MTHFD1: variants seen among roughly 807,000 people sequenced by gnomAD.
MTHFD1 encodes the protein methylenetetrahydrofolate dehydrogenase, cyclohydrolase and formyltetrahydrofolate synthetase 1.
MTHFD1 carries 44 observed loss-of-function variants against 110.3 expected under a neutral mutation model. That is an observed-to-expected ratio of 0.40 (90% CI 0.31 to 0.51). The LOEUF (loss-of-function observed/expected upper bound fraction) is 0.51. Among genes scored for constraint, MTHFD1 ranks in the 20% least tolerant of loss-of-function variants. The probability of loss-of-function intolerance (pLI) is 0.60; values close to 1 mark genes in which losing one functional copy is unlikely to be tolerated. For synonymous variants in MTHFD1, 402 were observed against 428.8 expected (o/e 0.94, Z 0.77); for missense variants, 909 against 1,173.1 (o/e 0.77, Z 3.29).
intron 27 of MTHFD1, among the ~76,000 whole-genome samples, chr14:64,458,879 A>T (rs767430313): frequency 4.6e-5 from 7 of 152,138 alleles, no homozygotes; most frequent in Non-Finnish European, 1.0e-4. Context: ...CCTTAGGCAG[A>T]CCCTTGGGGC....
Position 64,460,023 on chromosome 14 carries a change from G to T in MTHFD1, c.*269G>T. 1 of 1,096,794 alleles carries T rather than the reference G, an allele frequency of 9.1e-7. No homozygotes were observed. Among genetic ancestry groups the T allele is most frequent in the Non-Finnish European group, 1.3e-6 (1 of 767,742 alleles). 67.9% of individuals were successfully genotyped at this position (1,096,794 alleles called of 1,614,324 possible). On this transcript the variant is annotated 3_prime_UTR_variant, in exon 28 of 28. Coordinates refer to ENST00000652337, the MANE Select transcript of MTHFD1 (RefSeq NM_005956.4). ...GTTTGCCATCTTGGTGTTGCAATAT[G>T]AATTACAGCCTTAACAGACTGTGCC...
chr14:64,442,151 C>T lies in MTHFD1; in HGVS notation c.1982C>T (p.Pro661Leu). ...ADRIALKLVG[P>L]EGFVVTEAGF... ...CGGATCGCACTCAAGCTTGTTGGCC[C>T]AGAAGGGTTTGTAGGTTAGTGTTTT... The change falls in exon 20 of 28, where the codon CCA becomes CTA. Residue 661 changes from proline to leucine, a missense_variant. Pro to Leu is a moderately conservative substitution (Grantham distance 98, BLOSUM62 -3). Coordinates refer to ENST00000652337, the MANE Select transcript of MTHFD1 (RefSeq NM_005956.4). 6.2e-6 allele frequency: 10 copies of T among 1,614,082 alleles called. No individual in the cohort carries two copies. Among genetic ancestry groups the T allele is most frequent in the Non-Finnish European group, 8.5e-6 (10 of 1,179,994 alleles).
At chr14:64,403,698 C>T (rs1220289295) in intron 2 of MTHFD1, among the ~76,000 whole-genome samples, 3 of 151,718 alleles carry the variant, frequency 2.0e-5, no homozygotes, top group Non-Finnish European at 2.9e-5. Flanking sequence ...TGAGCTACTG[C>T]GCTTGGCCTT....
At position 64,449,535 on chromosome 14, in the gene MTHFD1, A is replaced by T; in HGVS notation, c.2370A>T (p.Glu790Asp). 1.2e-6 allele frequency: 2 copies of T among 1,614,192 alleles called. No homozygotes were observed. The highest frequency in any genetic ancestry group is 1.7e-6 in the Non-Finnish European group (2 of 1,180,022). The change falls in exon 24 of 28, where the codon GAA (glutamate) becomes GAT (aspartate). Residue 790 changes from glutamate (E) to aspartate (D), a missense_variant. By Grantham distance (45) the Glu-to-Asp change is conservative (BLOSUM62 2). Around this residue, in one of 3 missense-constraint regions of MTHFD1, gnomAD observed 482 missense variants for 646.0 expected, o/e 0.75. Coordinates refer to ENST00000652337, the MANE Select transcript of MTHFD1 (RefSeq NM_005956.4). ...CCGTGAAGTGCACTCACTGGGCAGAAGGGGGCAAGGGTGCCTTAGCCCTGG... is the reference window on the plus strand; with the variant it reads ...CCGTGAAGTGCACTCACTGGGCAGATGGGGGCAAGGGTGCCTTAGCCCTGG... ...FDAVKCTHWA[E>D]GGKGALALAQ...
chr14:64,438,791 C>G (rs2078225571), intron 16 of MTHFD1, among the ~76,000 whole-genome samples: 1 of 152,186 alleles, frequency 6.6e-6, no homozygotes, highest in African/African-American at 2.4e-5. Flanking sequence ...GTAGACTGCT[C>G]TGTTTTTCTT....
intron 1 of MTHFD1, among the ~76,000 whole-genome samples, chr14:64,391,443 G>T (rs548802024): frequency 6.6e-6 from 1 of 152,236 alleles, no homozygotes; most frequent in Non-Finnish European, 1.5e-5. Context: ...AGGATTACAG[G>T]TGTGAGCCAC....
Position 64,426,048 on chromosome 14 carries a change from C to T in MTHFD1, c.983C>T (p.Pro328Leu), listed in dbSNP as rs147367593. ...ATTGATATATCACGATCTTGTAAAC[C>T]GAAGCCCATTGGTAAGCTGGCTCGA... ...SDIDISRSCKPKPIGKLAREI... is the reference protein window; with the variant it reads ...SDIDISRSCKLKPIGKLAREI... Residue 328 changes from proline to leucine, a missense_variant, in exon 11 of 28, where the codon CCG (proline) becomes CTG (leucine). This residue lies in a region of MTHFD1 where 424 missense variants were observed against 510.4 expected (regional missense o/e 0.83). Coordinates refer to ENST00000652337, the MANE Select transcript of MTHFD1 (RefSeq NM_005956.4). The T allele has an allele frequency of 1.3e-3, 2,080 of 1,613,450 alleles. 3 individuals carry two copies. Among genetic ancestry groups the T allele is most frequent in the Non-Finnish European group, 1.6e-3 (1,867 of 1,180,016 alleles).
chr14:64,399,397 A>G (rs1342325517), intron 1 of MTHFD1, among the ~76,000 whole-genome samples: 3 of 152,246 alleles, frequency 2.0e-5, no homozygotes, highest in Admixed American at 2.0e-4. Flanking sequence ...ACAGTGGCTC[A>G]CGCCTGTAAT....
At chr14:64,459,336 G>T (rs192736811) in intron 27 of MTHFD1, among the ~76,000 whole-genome samples, 2 of 152,324 alleles carry the variant, frequency 1.3e-5, no homozygotes, top group East Asian at 3.9e-4. Context: ...CAAATCCTGT[G>T]TGGAACAGGT....
In MTHFD1 at chr14:64,454,908, A is replaced by G. The variant is rs188531995; in HGVS notation, c.2718+33A>G. The G allele has an allele frequency of 3.7e-4, 591 of 1,610,914 alleles. No individual in the cohort carries two copies. In the African/African-American group the frequency reaches 6.9e-3, roughly 19 times the overall value. On this transcript the variant is annotated intron_variant, in intron 26 of 27. Coordinates refer to ENST00000652337, the MANE Select transcript of MTHFD1 (RefSeq NM_005956.4). Reference sequence around the variant, plus strand: ...CATGCTGCAAGGGAGTAGTGGGCGCATCTGCACTTCTCGTCTGAAGTGTGT... The same window carrying G: ...CATGCTGCAAGGGAGTAGTGGGCGCGTCTGCACTTCTCGTCTGAAGTGTGT...
At position 64,424,955 on chromosome 14, in the gene MTHFD1, TA is replaced by T. The variant is rs769195561; in HGVS notation, c.855+26del. 5.0e-6 allele frequency: 8 copies of T among 1,613,994 alleles called. No individual in the cohort carries two copies. In the East Asian group the frequency reaches 1.8e-4, roughly 36 times the overall value. On this transcript the variant is annotated intron_variant, in intron 9 of 27. Transcript: ENST00000652337. ...AGGTAATTGTGAATAAAAGTTTCTA[TA>T]AGAGTTCTGAAAAGCTGATCGAGTT...
At chr14:64,401,700 CAAA>C (rs34004524) in intron 2 of MTHFD1, among the ~76,000 whole-genome samples, 1 of 138,726 alleles carries the variant, frequency 7.2e-6, no homozygotes, top group Non-Finnish European at 1.5e-5. Context: ...GATTCCGTCT[CAAA>C]AAAAAAAAAA....
intron 26 of MTHFD1, among the ~76,000 whole-genome samples, chr14:64,456,093 C>CTTGTCACTT (rs1391138494): frequency 1.3e-5 from 2 of 152,204 alleles, no homozygotes; most frequent in Non-Finnish European, 2.9e-5. Context: ...TGTACTCTTT[C>CTTGTCACTT]TTGTCACTTT....
intron 19 of MTHFD1, 41 bp from the exon 20 acceptor site, chr14:64,442,013 C>T (rs1385272885): frequency 7.6e-7 from 1 of 1,324,480 alleles, no homozygotes; most frequent in South Asian, 1.2e-5. Flanking sequence ...CACTTTGAAG[C>T]AGGATTGGCA....
intron 13 of MTHFD1, 116 bp downstream of exon 13, chr14:64,430,346 T>G (rs950154988): frequency 2.1e-6 from 2 of 951,616 alleles, no homozygotes; most frequent in Non-Finnish European, 3.4e-6. Flanking sequence ...TGCCCAGAGC[T>G]GGAGTGCAAT....
chr14:64,458,362 A>C, intron 27 of MTHFD1, 55 bp downstream of exon 27: 4 of 1,096,456 alleles, frequency 3.6e-6, no homozygotes, highest in Non-Finnish European at 5.7e-6. Flanking sequence ...CTTATTTATG[A>C]ATTATAGGGC....
In MTHFD1 at chr14:64,388,353, G is replaced by C; in HGVS notation, c.-75G>C. ...AGTCCCTAAGCACGTGGGTTGGGTT[G>C]TCCTGCTTGGCTGCGGAGGGAGTGG... On this transcript the variant is annotated 5_prime_UTR_variant, in exon 1 of 28. Coordinates refer to ENST00000652337, the MANE Select transcript of MTHFD1 (RefSeq NM_005956.4). 1.2e-6 allele frequency: 2 copies of C among 1,614,142 alleles called. No individual in the cohort carries two copies. The highest frequency in any genetic ancestry group is 1.7e-6 in the Non-Finnish European group (2 of 1,179,976).
Position 64,431,771 on chromosome 14 carries a change from C to G in MTHFD1, c.1420-16C>G, listed in dbSNP as rs1250340319. ...TGGGGCTCCTCTCATTTTAAAGCCCCTTTCTTTTCTTTAAGGCTCTCTTTA... is the reference window on the plus strand; with the variant it reads ...TGGGGCTCCTCTCATTTTAAAGCCCGTTTCTTTTCTTTAAGGCTCTCTTTA... On this transcript the variant is annotated splice_polypyrimidine_tract_variant and intron_variant, in intron 14 of 27. Coordinates refer to ENST00000652337, the MANE Select transcript of MTHFD1 (RefSeq NM_005956.4). 1.2e-6 allele frequency: 2 copies of G among 1,613,508 alleles called. No homozygotes were observed. The highest frequency in any genetic ancestry group is 1.7e-6 in the Non-Finnish European group (2 of 1,179,548).
rs529646429 is a variant in MTHFD1 at position 64,391,366 on chromosome 14, T to C, written c.41+2898T>C. Among the ~76,000 whole-genome samples, 27 of 152,330 alleles carry C rather than the reference T, an allele frequency of 1.8e-4. 1 individual carries two copies. The highest frequency in any genetic ancestry group is 5.5e-4 in the African/African-American group (23 of 41,584). ...TTTTAGTAGAGATGGGGTTTCGCCA[T>C]GTTGGTCAAGCTGGTCTTGAACTCC... On this transcript the variant is annotated intron_variant, in intron 1 of 27. Coordinates refer to ENST00000652337, the MANE Select transcript of MTHFD1 (RefSeq NM_005956.4).
Sources: gnomAD v4.1 joint callset for allele counts (sites outside exome capture counted in the v4.1 genomes callset) on GRCh38, gnomAD v4.1.1 for gene constraint, gnomAD v4.1.1 regional missense constraint, MANE v1.5 for transcripts, NCBI Gene and HGNC (gene_info 2026-07-23, HGNC 2026-07-21) for gene names.